MIER2: variants seen among roughly 807,000 people sequenced by gnomAD.
MIER2 encodes the protein MIER family member 2.
A neutral mutation model predicts 67.6 loss-of-function variants in MIER2; 30 were observed. The observed-to-expected ratio is 0.44, with a 90% CI of 0.33 to 0.60. MIER2 has a LOEUF of 0.60. Ranked by LOEUF, MIER2 falls within the 20% of genes least tolerant of loss-of-function variation. The pLI is 0.02. For missense variants in MIER2, 702 were observed against 745.1 expected, an observed-to-expected ratio of 0.94 and a Z score of 0.67; for synonymous variants, 372 against 312.6, an observed-to-expected ratio of 1.19 and a Z score of -2.00.
At chr19:344,602 C>A (rs1262438613) in intron 1 of MIER2, 172 bp downstream of exon 1, 2 of 279,476 alleles carry the variant, frequency 7.2e-6, no homozygotes, top group Non-Finnish European at 1.1e-5. Flanking sequence ...GGGGCGGCCG[C>A]CGATGGAGCC....
At position 318,464 on chromosome 19, in the gene MIER2, T is replaced by C. The variant is rs189450510; in HGVS notation, c.656-4821A>G. The stretch of plus-strand genomic sequence containing the variant: ...CAATGTGAAGTAAAAATGGACAGCA[T>C]TAAAAAGGGGAAATAGACAATCCAC... On this transcript the variant is annotated intron_variant, in intron 7 of 13. Coordinates refer to ENST00000264819, the MANE Select transcript of MIER2 (RefSeq NM_017550.3). Among the ~76,000 whole-genome samples, 4 of 152,114 alleles carry C rather than the reference T, an allele frequency of 2.6e-5. No individual in the cohort carries two copies. In the East Asian group the frequency reaches 7.7e-4, roughly 29 times the overall value.
chr19:329,187 G>T (rs1350189256), intron 3 of MIER2, among the ~76,000 whole-genome samples: 1 of 152,042 alleles, frequency 6.6e-6, no homozygotes, highest in Non-Finnish European at 1.5e-5. Flanking sequence ...ACTCAACCTG[G>T]GGGCTTCAAG....
intron 4 of MIER2, 114 bp downstream of exon 4, chr19:327,750 T>G: frequency 4.0e-6 from 6 of 1,491,022 alleles, no homozygotes; most frequent in Non-Finnish European, 5.4e-6. Flanking sequence ...TACATTCTAC[T>G]TATTCTGGGG....
intron 1 of MIER2, among the ~76,000 whole-genome samples, chr19:339,704 C>T (rs1426848466): frequency 6.6e-6 from 1 of 152,122 alleles, no homozygotes; most frequent in Admixed American, 6.5e-5. Context: ...GCTCCTGAAA[C>T]AGCCAGACAC....
In MIER2 at chr19:311,818, G is replaced by C. The variant is rs188645846; in HGVS notation, c.984+27C>G. On this transcript the variant is annotated intron_variant, in intron 10 of 13. Coordinates refer to ENST00000264819, the MANE Select transcript of MIER2 (RefSeq NM_017550.3). ...CCCCTCCCCAGATCGAGAAGCCCCC[G>C]GTGGAGCCTGGCAGTGGAGTCCGCA... is the stretch of plus-strand genomic sequence containing the variant. 1.9e-6 allele frequency: 3 copies of C among 1,611,672 alleles called. No individual in the cohort carries two copies. In the African/African-American group the frequency reaches 4.0e-5, roughly 22 times the overall value.
chr19:313,461 G>A, intron 8 of MIER2, 31 bp downstream of exon 8: 1 of 1,602,224 alleles, frequency 6.2e-7, no homozygotes, highest in Non-Finnish European at 8.5e-7. Context: ...GCAGCCCTCA[G>A]CCCCTCTGTC....
chr19:326,935 C>T (rs942097621), intron 5 of MIER2, 198 bp downstream of exon 5: 8 of 688,718 alleles, frequency 1.2e-5, no homozygotes, highest in South Asian at 2.2e-5. Context: ...TAAACCAAAT[C>T]GCTCTGAGAG....
At chr19:316,017 A>G (rs1328960034) in intron 7 of MIER2, among the ~76,000 whole-genome samples, 1 of 152,270 alleles carries the variant, frequency 6.6e-6, no homozygotes, top group Non-Finnish European at 1.5e-5. Flanking sequence ...AAACGATGAC[A>G]GCCAAAACGC....
chr19:334,754 T>TG (rs1027928667), intron 2 of MIER2, among the ~76,000 whole-genome samples: 1 of 152,246 alleles, frequency 6.6e-6, no homozygotes, highest in Non-Finnish European at 1.5e-5. Flanking sequence ...AGGATTTTTT[T>TG]GGGGGGTGGG....
Position 308,800 on chromosome 19 carries a change from C to T in MIER2, c.1109+1G>A, listed in dbSNP as rs1456016201. 6.2e-6 allele frequency: 10 copies of T among 1,601,130 alleles called. No homozygotes were observed. The highest frequency in any genetic ancestry group is 1.7e-5 in the Admixed American group (1 of 59,698). ...TTACTGCTGGGGAGGGCTGCACGCA[C>T]GTGGTTCCGGACGGGACGTACTTCC... On this transcript the variant is annotated splice_donor_variant, in intron 11 of 13. Coordinates refer to ENST00000264819, the MANE Select transcript of MIER2 (RefSeq NM_017550.3). LOFTEE classifies it high-confidence loss of function. This position sits in a 1 kb window ranked among gnomAD's most constrained non-coding sequence, Gnocchi z 9.1.
intron 1 of MIER2, chr19:344,278 C>A (rs1012029502): frequency 2.0e-6 from 2 of 985,214 alleles, no homozygotes; most frequent in African/African-American, 1.7e-5. Context: ...CGCCGGGGGG[C>A]TCGCGGGCGG....
intron 1 of MIER2, among the ~76,000 whole-genome samples, chr19:341,097 T>TAA (rs1972480135): frequency 1.3e-5 from 2 of 152,190 alleles, no homozygotes; most frequent in South Asian, 4.1e-4. Context: ...GAAAGCATCC[T>TAA]AAGTGACCTC....
chr19:336,267 C>T (rs1972253929), intron 1 of MIER2, 94 bp from the exon 2 acceptor site: 2 of 974,490 alleles, frequency 2.1e-6, no homozygotes, highest in East Asian at 5.3e-5. Context: ...CTGGTCAGAG[C>T]CCAGTCCCCA....
At chr19:336,050 G>T (rs368730971) in intron 2 of MIER2, 33 bp downstream of exon 2, 1 of 1,601,062 alleles carries the variant, frequency 6.2e-7, no homozygotes, top group South Asian at 1.1e-5. Context: ...AGGCCTTGGC[G>T]GACCTGAGCA....
In MIER2 at chr19:309,736, G is replaced by A. The variant is rs1970850666; in HGVS notation, c.985-811C>T. Among the ~76,000 whole-genome samples the A allele has an allele frequency of 3.5e-5, 4 of 114,802 alleles. 1 individual carries two copies. In the Admixed American group the frequency reaches 4.1e-4, roughly 12 times the overall value. The allele number at this position is 114,802 out of a possible 152,430, so 75.3% of individuals were successfully genotyped here. On this transcript the variant is annotated intron_variant, in intron 10 of 13. Transcript: ENST00000264819. The stretch of plus-strand genomic sequence containing the variant: ...CACGCACACAAGGCTTCAGGGACAC[G>A]AGAAGGGACACACACACACGCACAC...
chr19:324,805 C>T (rs1423040772), intron 7 of MIER2, among the ~76,000 whole-genome samples: 3 of 152,218 alleles, frequency 2.0e-5, no homozygotes, highest in Non-Finnish European at 4.4e-5. Flanking sequence ...GGGGAAAGGG[C>T]CCTGATGACA....
chr19:330,237 C>A (rs1048520153), intron 3 of MIER2: 1 of 151,984 alleles, frequency 6.6e-6, no homozygotes, highest in Admixed American at 6.6e-5. Flanking sequence ...ATGAACTTGC[C>A]GAATTTCTAA....
chr19:307,103 A>G lies in MIER2; in HGVS notation c.1616+16T>C. Reference sequence around the variant, plus strand: ...TTGGAGTGTTGCGGAGGCTCCGGGCATGGGGTGGCACTCACTGTGACAGGG... The same window carrying G: ...TTGGAGTGTTGCGGAGGCTCCGGGCGTGGGGTGGCACTCACTGTGACAGGG... On this transcript the variant is annotated intron_variant, in intron 13 of 13. Coordinates refer to ENST00000264819, the MANE Select transcript of MIER2 (RefSeq NM_017550.3). 6.4e-7 allele frequency: 1 copy of G among 1,569,432 alleles called. No individual in the cohort carries two copies. The highest frequency in any genetic ancestry group is 8.6e-7 in the Non-Finnish European group (1 of 1,156,592).
intron 7 of MIER2, among the ~76,000 whole-genome samples, chr19:319,225 G>C (rs992617907): frequency 4.0e-5 from 6 of 151,890 alleles, no homozygotes; most frequent in African/African-American, 1.4e-4. Context: ...AGCTAGGCGT[G>C]GTGGCGGGCG....
Sources: gnomAD v4.1 joint callset for allele counts (sites outside exome capture counted in the v4.1 genomes callset) on GRCh38, gnomAD v4.1.1 for gene constraint, Gnocchi (gnomAD v3.1) non-coding constraint, MANE v1.5 for transcripts, NCBI Gene and HGNC (gene_info 2026-07-23, HGNC 2026-07-21) for gene names.